Variants in MAST4 observed in about 807,000 individuals in gnomAD.
MAST4 encodes the protein microtubule-associated serine/threonine-protein kinase 4.
Under a neutral mutation model 162.7 loss-of-function variants are expected in MAST4, and 89 were observed. That is an observed-to-expected ratio of 0.55 (90% CI 0.46 to 0.65). The LOEUF (loss-of-function observed/expected upper bound fraction) is 0.65, where lower values mean the gene tolerates loss of function less well. Ranked by LOEUF, MAST4 falls within the 30% of genes least tolerant of loss-of-function variation. MAST4 has a pLI of 0.00. For missense variants in MAST4, 3,153 were observed against 3,374.0 expected (o/e 0.93, Z 1.62); for synonymous variants, 1,479 against 1,361.1 (o/e 1.09, Z -1.91).
chr5:66,819,736 G>C (rs561921953), intron 3 of MAST4, among the ~76,000 whole-genome samples: 3 of 149,344 alleles, frequency 2.0e-5, no homozygotes, highest in Non-Finnish European at 4.4e-5. Context: ...CTAGGCAACA[G>C]TGCATTTAAC....
At chr5:66,651,307 T>A (rs1746202021) in intron 1 of MAST4, among the ~76,000 whole-genome samples, 2 of 152,158 alleles carry the variant, frequency 1.3e-5, no homozygotes, top group Admixed American at 1.3e-4. Flanking sequence ...GAATTATAGA[T>A]GCAGATTTTC....
chr5:66,844,543 G>T (rs528971844), intron 3 of MAST4, among the ~76,000 whole-genome samples: 7 of 152,134 alleles, frequency 4.6e-5, no homozygotes, highest in Admixed American at 4.6e-4. Context: ...TCACCCAACG[G>T]ATATTTGTTG....
At chr5:66,760,885 CCTGAT>C (rs1420831725) in intron 2 of MAST4, among the ~76,000 whole-genome samples, 1 of 152,060 alleles carries the variant, frequency 6.6e-6, no homozygotes, top group Non-Finnish European at 1.5e-5. Flanking sequence ...TGCTAACTAC[CCTGAT>C]CTGATCGCTA....
intron 4 of MAST4, among the ~76,000 whole-genome samples, chr5:66,966,515 G>A (rs1282676379): frequency 6.6e-6 from 1 of 152,200 alleles, no homozygotes; most frequent in African/African-American, 2.4e-5. Context: ...GTCATTAAGG[G>A]ATCCAGGGGG....
At chr5:67,017,749 C>G (rs1753486642) in intron 4 of MAST4, among the ~76,000 whole-genome samples, 1 of 151,636 alleles carries the variant, frequency 6.6e-6, no homozygotes, top group African/African-American at 2.4e-5. Flanking sequence ...CAGGTGTGCG[C>G]CACTATGCCC....
At chr5:66,647,152 C>A (rs886869348) in intron 1 of MAST4, among the ~76,000 whole-genome samples, 3 of 152,150 alleles carry the variant, frequency 2.0e-5, no homozygotes, top group African/African-American at 7.2e-5. Flanking sequence ...CTCTTCGTAG[C>A]CTGTGTCCCC....
intron 1 of MAST4, among the ~76,000 whole-genome samples, chr5:66,745,986 G>T (rs902596456): frequency 6.6e-6 from 1 of 152,176 alleles, no homozygotes. Context: ...ATAGGCAGTA[G>T]GTTGTGGGTG....
At chr5:66,847,917 G>A (rs544729234) in intron 3 of MAST4, among the ~76,000 whole-genome samples, 24 of 151,602 alleles carry the variant, frequency 1.6e-4, no homozygotes, top group African/African-American at 4.4e-4. Context: ...TGGCAGTGCC[G>A]TGAAAGGTGA....
intron 4 of MAST4, among the ~76,000 whole-genome samples, chr5:67,042,733 G>C (rs1186360055): frequency 6.6e-6 from 1 of 152,112 alleles, no homozygotes; most frequent in East Asian, 1.9e-4. Context: ...TCACAGCTTT[G>C]ACATTCATGT....
intron 10 of MAST4, among the ~76,000 whole-genome samples, chr5:67,106,408 C>T (rs549365539): frequency 1.3e-5 from 2 of 152,332 alleles, no homozygotes; most frequent in South Asian, 4.1e-4. Flanking sequence ...TCTTTTCATC[C>T]ATCATTGGCA....
At chr5:67,058,620 G>A (rs561220839) in intron 5 of MAST4, among the ~76,000 whole-genome samples, 4 of 152,288 alleles carry the variant, frequency 2.6e-5, no homozygotes, top group South Asian at 2.1e-4. Context: ...TTCATGTGCT[G>A]GTATTGGAAG....
intron 3 of MAST4, among the ~76,000 whole-genome samples, chr5:66,858,052 GTTCAACTGA>G (rs1260727271): frequency 6.6e-6 from 1 of 152,066 alleles, no homozygotes; most frequent in Non-Finnish European, 1.5e-5. Context: ...CTCCTCCTGG[GTTCAACTGA>G]TTCTTCTACT....
intron 5 of MAST4, among the ~76,000 whole-genome samples, chr5:67,058,149 C>T (rs1423442720): frequency 3.9e-5 from 6 of 151,984 alleles, no homozygotes; most frequent in African/African-American, 4.8e-5. Context: ...GTGAGAGGAT[C>T]GCCTGAGCTG....
intron 2 of MAST4, among the ~76,000 whole-genome samples, chr5:66,769,538 A>G (rs1754267010): frequency 6.6e-6 from 1 of 152,186 alleles, no homozygotes; most frequent in African/African-American, 2.4e-5. Flanking sequence ...GGTTTAGCCT[A>G]CTGTAACCTG....
chr5:66,839,286 G>A (rs995779913), intron 3 of MAST4, among the ~76,000 whole-genome samples: 1 of 152,124 alleles, frequency 6.6e-6, no homozygotes, highest in African/African-American at 2.4e-5. Flanking sequence ...AGCCATCTAG[G>A]TGCAGATGTT....
chr5:66,769,375 G>C (rs1037493274), intron 2 of MAST4, among the ~76,000 whole-genome samples: 1 of 152,190 alleles, frequency 6.6e-6, no homozygotes, highest in African/African-American at 2.4e-5. Flanking sequence ...GGGCTGGGGA[G>C]TGAGCAGCAG....
chr5:66,755,418 G>C (rs1362914943), intron 1 of MAST4, among the ~76,000 whole-genome samples: 5 of 152,222 alleles, frequency 3.3e-5, no homozygotes, highest in Non-Finnish European at 7.3e-5. Context: ...GTCTGAAAAT[G>C]AGGTCGGAGA....
chr5:67,054,331 C>T (rs768505853), intron 4 of MAST4, 73 bp from the exon 5 acceptor site: 159 of 1,277,216 alleles, frequency 1.2e-4, no homozygotes, highest in Non-Finnish European at 1.7e-4. Context: ...TGGTCCATGT[C>T]TACCGGGAAC....
rs577953758 is a variant in MAST4 at position 66,674,101 on chromosome 5, A to C, written c.363+77083A>C. On this transcript the variant is annotated intron_variant, in intron 1 of 28. Coordinates refer to ENST00000403625, the MANE Select transcript of MAST4 (RefSeq NM_001164664.2). ...TTAAAACTTGACAAAAATGTGGCTA[A>C]TCATTGGGTCATACAACCTGATATT... Among the ~76,000 whole-genome samples, 69 of 152,336 alleles carry C rather than the reference A, an allele frequency of 4.5e-4. 1 individual carries two copies. Among genetic ancestry groups the C allele is most frequent in the Admixed American group, 3.3e-4 (5 of 15,300 alleles).
Sources: allele counts gnomAD v4.1 joint callset (sites outside exome capture counted in the v4.1 genomes callset), GRCh38; gene constraint gnomAD v4.1.1; transcripts MANE v1.5; gene names NCBI Gene and HGNC (gene_info 2026-07-23, HGNC 2026-07-21).